The following CORO2B variants were observed in gnomAD, a reference collection of about 807,000 sequenced individuals.
The protein encoded by CORO2B is coronin-2B.
In CORO2B, 26 loss-of-function variants were observed where a neutral mutation model predicts 58.8. That is an observed-to-expected ratio of 0.44 (90% CI 0.32 to 0.61). The LOEUF (loss-of-function observed/expected upper bound fraction) is 0.61, where lower values mean the gene tolerates loss of function less well. Ranked by LOEUF, CORO2B falls within the 20% of genes least tolerant of loss-of-function variation. The pLI is 0.04. For missense variants in CORO2B, 460 were observed against 645.1 expected (o/e 0.71, Z 3.11); for synonymous variants, 242 against 253.8 (o/e 0.95, Z 0.44).
the CORO2B span, among the ~76,000 whole-genome samples, chr15:68,542,063 A>T: frequency 1.3e-5 from 2 of 152,194 alleles, no homozygotes; most frequent in African/African-American, 2.4e-5. Context: ...CGTCTTAGGG[A>T]TGACTTCATT....
chr15:68,660,686 A>G (rs1901985683), intron 2 of CORO2B, among the ~76,000 whole-genome samples: 1 of 152,068 alleles, frequency 6.6e-6, no homozygotes, highest in Admixed American at 6.6e-5. Flanking sequence ...TCATATTTTG[A>G]ACCCTTCACT....
chr15:68,723,547 C>T (rs1170576665), intron 11 of CORO2B, among the ~76,000 whole-genome samples: 6 of 151,986 alleles, frequency 3.9e-5, no homozygotes, highest in South Asian at 4.2e-4. Context: ...CTCCACCTCC[C>T]GGGTTCAAGC....
At chr15:68,720,548 C>T (rs2140335003) in intron 11 of CORO2B, among the ~76,000 whole-genome samples, 1 of 152,274 alleles carries the variant, frequency 6.6e-6, no homozygotes, top group African/African-American at 2.4e-5. Context: ...CTTCCAAGTT[C>T]ACTCATGTGG....
intron 3 of CORO2B, among the ~76,000 whole-genome samples, chr15:68,697,069 T>G (rs887499124): frequency 6.6e-6 from 1 of 152,198 alleles, no homozygotes; most frequent in Non-Finnish European, 1.5e-5. Flanking sequence ...ACCTAATAAA[T>G]GCTTAGTAGG....
Position 68,727,404 on chromosome 15 carries a change from A to T in CORO2B, c.*1430A>T, listed in dbSNP as rs1893330357. On this transcript the variant is annotated 3_prime_UTR_variant, in exon 12 of 12. Transcript: ENST00000261861. ...TCCCACTACGCACAAAGAGTTTATAAACACTGTTCTCAGAAGAGTCACAGT... is the reference window on the plus strand; with the variant it reads ...TCCCACTACGCACAAAGAGTTTATATACACTGTTCTCAGAAGAGTCACAGT... The T allele has an allele frequency of 6.6e-6, 1 of 152,286 alleles. No individual in the cohort carries two copies. Among genetic ancestry groups the T allele is most frequent in the Non-Finnish European group, 1.5e-5 (1 of 68,042 alleles). 9.4% of individuals were successfully genotyped at this position (152,286 alleles called of 1,614,324 possible). A position where few individuals can be genotyped will look rare whatever the true frequency, so the allele number is the denominator to read the frequency against.
At chr15:68,703,535 G>A (rs562140362) in intron 3 of CORO2B, among the ~76,000 whole-genome samples, 43 of 152,262 alleles carry the variant, frequency 2.8e-4, no homozygotes, top group African/African-American at 9.4e-4. Flanking sequence ...CTACTAAGGG[G>A]TTAGATATCA....
the CORO2B span, among the ~76,000 whole-genome samples, chr15:68,572,690 T>C: frequency 6.6e-6 from 1 of 152,136 alleles, no homozygotes; most frequent in Non-Finnish European, 1.5e-5. Context: ...CAGGTGAAAC[T>C]GAGGCTGGTT....
At chr15:68,578,513 G>C (rs898938850), upstream of CORO2B, among the ~76,000 whole-genome samples, 1 of 152,002 alleles carries the variant, frequency 6.6e-6, no homozygotes, top group Non-Finnish European at 1.5e-5. The surrounding 1 kb of genome is among the most constrained non-coding windows in gnomAD (Gnocchi z 4.2). Context: ...AGCGCGAGGT[G>C]GGGGTGCGGG....
In CORO2B at chr15:68,695,141, C is replaced by G; in HGVS notation, c.218C>G (p.Thr73Arg). Residue 73 changes from threonine to arginine, a missense_variant and splice_region_variant, in exon 3 of 12, where the codon ACA becomes AGA. By Grantham distance (71) the Thr-to-Arg change is moderately conservative. This residue lies in a region of CORO2B where 352 missense variants were observed against 543.0 expected (regional missense o/e 0.65). Transcript: ENST00000261861. ...GSFLVIPLEQ[T>R]GRIEPNYPKV... ...TCTCTCTCTCTTTCTCCTCTGCAGA[C>G]AGGCAGGATTGAACCCAACTACCCC... 6.2e-7 allele frequency: 1 copy of G among 1,612,126 alleles called. No homozygotes were observed.
At chr15:68,539,393 G>A in the CORO2B span, among the ~76,000 whole-genome samples, 1 of 152,166 alleles carries the variant, frequency 6.6e-6, no homozygotes, top group East Asian at 1.9e-4. Context: ...AATTATCATG[G>A]CAGGTGCAGT....
At chr15:68,698,347 T>G (rs1346054627) in intron 3 of CORO2B, among the ~76,000 whole-genome samples, 1 of 152,198 alleles carries the variant, frequency 6.6e-6, no homozygotes, top group East Asian at 1.9e-4. Flanking sequence ...CTGGAATCAC[T>G]GGCCACCCAG....
intron 1 of CORO2B, among the ~76,000 whole-genome samples, chr15:68,630,677 C>A (rs1900804051): frequency 6.6e-6 from 1 of 152,158 alleles, no homozygotes; most frequent in African/African-American, 2.4e-5. Context: ...CTAGGATTTT[C>A]ATGGTTTTTC....
chr15:68,521,221 A>C, the CORO2B span, among the ~76,000 whole-genome samples: 1,178 of 152,196 alleles, frequency 7.7e-3, 19 homozygotes, highest in African/African-American at 0.027. Context: ...TTTTGAATTA[A>C]TAAGCTATTT....
intron 2 of CORO2B, among the ~76,000 whole-genome samples, chr15:68,646,049 C>T (rs1435558847): frequency 6.6e-6 from 1 of 152,138 alleles, no homozygotes; most frequent in Non-Finnish European, 1.5e-5. Flanking sequence ...GCTGGGATTA[C>T]AGGCATGAGC....
At chr15:68,647,412 G>A (rs1314290908) in intron 2 of CORO2B, among the ~76,000 whole-genome samples, 7 of 152,100 alleles carry the variant, frequency 4.6e-5, no homozygotes, top group African/African-American at 1.7e-4. Flanking sequence ...GAACCCGACC[G>A]GACACGGTGG....
intron 1 of CORO2B, among the ~76,000 whole-genome samples, chr15:68,604,632 C>G (rs78920628): frequency 6.6e-6 from 1 of 151,432 alleles, no homozygotes; most frequent in African/African-American, 2.4e-5. Context: ...AAAAAAAAAC[C>G]TCCCTTCTGT....
At chr15:68,556,239 T>TGGGGCCACCCTGGAAGGGCA in the CORO2B span, among the ~76,000 whole-genome samples, 11 of 152,278 alleles carry the variant, frequency 7.2e-5, no homozygotes. Context: ...TGATGAGCGC[T>TGGGGCCACCCTGGAAGGGCA]GGGGCCACCC....
chr15:68,591,557 G>A (rs963759935), intron 1 of CORO2B, among the ~76,000 whole-genome samples: 2 of 152,314 alleles, frequency 1.3e-5, no homozygotes, highest in Admixed American at 1.3e-4. Flanking sequence ...TAGGTGGTCT[G>A]TCCCTACCCA....
upstream of CORO2B, among the ~76,000 whole-genome samples, chr15:68,575,398 C>T (rs1054801813): frequency 1.2e-4 from 18 of 148,626 alleles, no homozygotes; most frequent in Non-Finnish European, 2.7e-4. Context: ...AGTGCAGTGG[C>T]GCGATCTCAG....
Sources: gnomAD v4.1 joint callset for allele counts (sites outside exome capture counted in the v4.1 genomes callset) on GRCh38, gnomAD v4.1.1 for gene constraint, gnomAD v4.1.1 regional missense constraint, Gnocchi (gnomAD v3.1) non-coding constraint, MANE v1.5 for transcripts, NCBI Gene and HGNC (gene_info 2026-07-23, HGNC 2026-07-21) for gene names.